Variants in PXK observed in about 807,000 individuals in gnomAD.
PXK encodes the protein PX domain-containing protein kinase-like protein.
A neutral mutation model predicts 84.7 loss-of-function variants in PXK; 35 were observed. The ratio of observed to expected loss-of-function variants is 0.41; its 90% CI spans 0.32 to 0.55. PXK has a LOEUF of 0.55. Among genes scored for constraint, PXK ranks in the 20% least tolerant of loss-of-function variants. The pLI, the probability that PXK is intolerant of heterozygous loss-of-function variation, is 0.21. For missense variants in PXK, 634 were observed against 699.7 expected (o/e 0.91, Z 1.06); for synonymous variants, 253 against 260.8 (o/e 0.97, Z 0.29).
intron 17 of PXK, chr3:58,422,217 C>T (rs1282493046): frequency 1.0e-6 from 1 of 985,266 alleles, no homozygotes; most frequent in African/African-American, 1.7e-5. Context: ...AGACCGAGTC[C>T]CAGGTCTGTG....
At chr3:58,363,896 A>G (rs1303640463) in intron 1 of PXK, among the ~76,000 whole-genome samples, 1 of 152,120 alleles carries the variant, frequency 6.6e-6, no homozygotes, top group African/African-American at 2.4e-5. Context: ...TTTTTCATCA[A>G]CTTAAGAAAG....
Position 58,409,158 on chromosome 3 carries a change from C to T in PXK, c.1308+157C>T, listed in dbSNP as rs538375235. Among the ~76,000 whole-genome samples the T allele has an allele frequency of 2.0e-5, 3 of 152,198 alleles. No homozygotes were observed. Among genetic ancestry groups the T allele is most frequent in the Non-Finnish European group, 4.4e-5 (3 of 68,034 alleles). ...AAATGCTTCCCTGCAGAGCTGAATA[C>T]TTGACAGTCCTGCCCTCAGTCCTGC... On this transcript the variant is annotated intron_variant, in intron 14 of 17. Transcript: ENST00000356151. This position sits in a 1 kb window ranked among gnomAD's most constrained non-coding sequence, Gnocchi z 4.2.
Position 58,400,480 on chromosome 3 carries a change from A to C in PXK, c.1181+1103A>C, listed in dbSNP as rs1039220655. ...TCTTTCTTTCCACAAGTGTTTAGAG[A>C]GGGCCTTCTGGAGGCCAGCTGCTGT... On this transcript the variant is annotated intron_variant, in intron 12 of 17. Transcript: ENST00000356151. This position sits in a 1 kb window ranked among gnomAD's most constrained non-coding sequence, Gnocchi z 4.0. Among the ~76,000 whole-genome samples the C allele has an allele frequency of 6.6e-6, 1 of 152,172 alleles. No homozygotes were observed. The highest frequency in any genetic ancestry group is 2.4e-5 in the African/African-American group (1 of 41,442).
Position 58,382,492 on chromosome 3 carries a change from CTTTTTT to C in PXK, c.202-10_202-5del, listed in dbSNP as rs10662181. 7.8e-7 allele frequency: 1 copy of C among 1,281,258 alleles called. No individual in the cohort carries two copies. The highest frequency in any genetic ancestry group is 1.0e-6 in the Non-Finnish European group (1 of 981,346). The allele number at this position is 1,281,258 out of a possible 1,614,324, so 79.4% of individuals were successfully genotyped here. ...TTATTTGTGGATGACATGAGTGTAACTTTTTTTTTTTTTTTTTAAAGATTGCAGGCC... is the reference window on the plus strand; with the variant it reads ...TTATTTGTGGATGACATGAGTGTAACTTTTTTTTTTTAAAGATTGCAGGCC... On this transcript the variant is annotated splice_polypyrimidine_tract_variant and intron_variant, in intron 3 of 17. Transcript: ENST00000356151.
intron 7 of PXK, 61 bp downstream of exon 7, chr3:58,391,908 G>A (rs2098635874): frequency 6.9e-7 from 1 of 1,453,254 alleles, no homozygotes; most frequent in African/African-American, 1.4e-5. Context: ...ATTTTTTCTG[G>A]GTGAACATGG....
chr3:58,333,631 C>T lies in PXK; in HGVS notation c.102+541C>T. The T allele has an allele frequency of 2.2e-6, 1 of 456,642 alleles. No individual in the cohort carries two copies. The highest frequency in any genetic ancestry group is 1.5e-5 in the South Asian group (1 of 64,574). The allele number at this position is 456,642 out of a possible 1,614,324, so 28.3% of individuals were successfully genotyped here. A position where few individuals can be genotyped will look rare whatever the true frequency, so the allele number is the denominator to read the frequency against. On this transcript the variant is annotated intron_variant, in intron 1 of 17. Transcript: ENST00000356151. The surrounding 1 kb of genome is among the most constrained non-coding windows in gnomAD (Gnocchi z 5.4). ...TCTGCAGCCCCGTTTCCAGGTCAGC[C>T]GCTTGGCCCTGGTCCCGGGAAGTGG... is the stretch of plus-strand genomic sequence containing the variant.
chr3:58,380,984 C>T (rs535010819), intron 3 of PXK, among the ~76,000 whole-genome samples: 4 of 152,240 alleles, frequency 2.6e-5, no homozygotes, highest in Admixed American at 6.5e-5. Flanking sequence ...CGCGGTGGCT[C>T]ACGCCTGTAA....
intron 17 of PXK, among the ~76,000 whole-genome samples, chr3:58,418,085 G>A (rs2061270798): frequency 6.6e-6 from 1 of 152,166 alleles, no homozygotes; most frequent in South Asian, 2.1e-4. Context: ...TCCCATAACA[G>A]TGGGATTACA....
Position 58,333,815 on chromosome 3 carries a change from C to A in PXK, c.102+725C>A, listed in dbSNP as rs973844614. On this transcript the variant is annotated intron_variant, in intron 1 of 17. Transcript: ENST00000356151. This position sits in a 1 kb window ranked among gnomAD's most constrained non-coding sequence, Gnocchi z 5.4. ...TAGTAAACATTGGCAGGGTTCATTTCTGCTACATATACGGTCTTTTATGGG... is the reference window on the plus strand; with the variant it reads ...TAGTAAACATTGGCAGGGTTCATTTATGCTACATATACGGTCTTTTATGGG... 6.6e-6 allele frequency among the ~76,000 whole-genome samples: 1 copy of A among 151,790 alleles called. No homozygotes were observed. The highest frequency in any genetic ancestry group is 1.5e-5 in the Non-Finnish European group (1 of 67,998).
intron 17 of PXK, chr3:58,420,591 C>A (rs2061680185): frequency 1.3e-6 from 2 of 1,535,994 alleles, no homozygotes; most frequent in Non-Finnish European, 1.7e-6. Flanking sequence ...ATGCTGATTT[C>A]TCAGACTTTA....
Position 58,382,548 on chromosome 3 carries a change from A to G in PXK, c.236A>G (p.Lys79Arg), listed in dbSNP as rs751989239. The stretch of plus-strand genomic sequence containing the variant: ...CTAAGTCTACCTCTTCCTCCCAAAA[A>G]ATTGATTGGTAACATGGATCGTGAA... ...AGLSLPLPPK[K>R]LIGNMDREFI... Residue 79 changes from lysine (K) to arginine (R), a missense_variant, in exon 4 of 18, where the codon AAA becomes AGA. Lys to Arg is a conservative substitution (Grantham distance 26, BLOSUM62 2). Coordinates refer to ENST00000356151, the MANE Select transcript of PXK (RefSeq NM_017771.5). 4.8e-5 allele frequency: 76 copies of G among 1,589,536 alleles called. No individual in the cohort carries two copies. Among genetic ancestry groups the G allele is most frequent in the Non-Finnish European group, 6.1e-5 (71 of 1,172,212 alleles).
chr3:58,400,477 G>T lies in PXK; in HGVS notation c.1181+1100G>T, dbSNP rs563681779. Among the ~76,000 whole-genome samples, 7 of 152,312 alleles carry T rather than the reference G, an allele frequency of 4.6e-5. No individual in the cohort carries two copies. The highest frequency in any genetic ancestry group is 1.7e-4 in the African/African-American group (7 of 41,562). ...GGTTCTTTCTTTCCACAAGTGTTTA[G>T]AGAGGGCCTTCTGGAGGCCAGCTGC... On this transcript the variant is annotated intron_variant, in intron 12 of 17. Transcript: ENST00000356151. The surrounding 1 kb of genome is among the most constrained non-coding windows in gnomAD (Gnocchi z 4.0).
intron 3 of PXK, among the ~76,000 whole-genome samples, chr3:58,377,457 T>C (rs1471092943): frequency 6.6e-6 from 1 of 152,198 alleles, no homozygotes; most frequent in Non-Finnish European, 1.5e-5. Flanking sequence ...AAAGTGACTT[T>C]GCTCATTAAA....
At chr3:58,387,319 G>A (rs1198596066) in intron 4 of PXK, among the ~76,000 whole-genome samples, 1 of 152,222 alleles carries the variant, frequency 6.6e-6, no homozygotes, top group Non-Finnish European at 1.5e-5. Flanking sequence ...TAATGGGAGA[G>A]AGTTTCCACA....
intron 1 of PXK, among the ~76,000 whole-genome samples, chr3:58,352,875 C>A (rs538444608): frequency 6.6e-6 from 1 of 152,078 alleles, no homozygotes; most frequent in Non-Finnish European, 1.5e-5. Context: ...TCAAAAGGCC[C>A]GGAGAAGGGA....
At chr3:58,415,301 G>A (rs2060789220) in intron 17 of PXK, among the ~76,000 whole-genome samples, 1 of 152,210 alleles carries the variant, frequency 6.6e-6, no homozygotes, top group Non-Finnish European at 1.5e-5. Flanking sequence ...AAAACTACCT[G>A]CTCTTTCTGA....
intron 3 of PXK, 81 bp downstream of exon 3, chr3:58,369,559 T>C: frequency 9.1e-7 from 1 of 1,103,902 alleles, no homozygotes; most frequent in East Asian, 2.4e-5. Context: ...GCACGGTGGC[T>C]CAACGCCTGT....
rs917895162 is a variant in PXK at position 58,421,899 on chromosome 3, CAT to C, written c.1529-2851_1529-2850del. 10 of 985,288 alleles carry C rather than the reference CAT, an allele frequency of 1.0e-5. No homozygotes were observed. Among genetic ancestry groups the C allele is most frequent in the Non-Finnish European group, 9.6e-6 (8 of 829,934 alleles). The allele number at this position is 985,288 out of a possible 1,614,324, so 61.0% of individuals were successfully genotyped here. ...CCTTCCTGGGTGCAAATTCAGGTAT[CAT>C]AAGTCTAACATGGAATCGGTCTGCT... On this transcript the variant is annotated intron_variant, in intron 17 of 17. Transcript: ENST00000356151. This position sits in a 1 kb window ranked among gnomAD's most constrained non-coding sequence, Gnocchi z 5.5.
chr3:58,364,376 C>T lies in PXK; in HGVS notation c.103-1498C>T, dbSNP rs111839565. On this transcript the variant is annotated intron_variant, in intron 1 of 17. Transcript: ENST00000356151. This position sits in a 1 kb window ranked among gnomAD's most constrained non-coding sequence, Gnocchi z 4.3. Reference sequence around the variant, plus strand: ...CCATTGGGCCTTGATACATATTTGGCGGGGGGAGGGGAGCGGAGTTTTTTA... The same window carrying T: ...CCATTGGGCCTTGATACATATTTGGTGGGGGGAGGGGAGCGGAGTTTTTTA... Among the ~76,000 whole-genome samples, 57 of 151,878 alleles carry T rather than the reference C, an allele frequency of 3.8e-4. No homozygotes were observed. In the South Asian group the frequency reaches 5.4e-3, roughly 14 times the overall value.
Sources: allele counts gnomAD v4.1 joint callset (sites outside exome capture counted in the v4.1 genomes callset), GRCh38; gene constraint gnomAD v4.1.1; non-coding constraint Gnocchi (gnomAD v3.1); transcripts MANE v1.5; gene names NCBI Gene and HGNC (gene_info 2026-07-23, HGNC 2026-07-21).